EML5: variants seen among roughly 807,000 people sequenced by gnomAD.
EML5 encodes EMAP like 5, also known as echinoderm microtubule-associated protein-like 5.
Under a neutral mutation model 250.0 loss-of-function variants are expected in EML5, and 120 were observed. The ratio of observed to expected loss-of-function variants is 0.48; its 90% CI spans 0.41 to 0.56. EML5 has a LOEUF of 0.56. EML5 is among the 20% of genes least tolerant of loss of function. EML5 has a pLI of 0.00. For synonymous variants in EML5, 771 were observed against 806.5 expected (o/e 0.96, Z 0.75); for missense variants, 2,006 against 2,437.6 (o/e 0.82, Z 3.73).
intron 25 of EML5, among the ~76,000 whole-genome samples, chr14:88,660,732 A>G (rs1265410370): frequency 6.7e-6 from 1 of 148,202 alleles, no homozygotes; most frequent in Non-Finnish European, 1.5e-5. Flanking sequence ...ACAGAGTGAG[A>G]CTCCATCTCA....
At chr14:88,621,429 G>A (rs2088911754) in intron 37 of EML5, 128 bp from the exon 38 acceptor site, 1 of 998,312 alleles carries the variant, frequency 1.0e-6, no homozygotes, top group South Asian at 1.5e-5. Context: ...TAGTAGCAAG[G>A]CAGTCATTAG....
chr14:88,644,179 T>C (rs968696421), intron 30 of EML5, among the ~76,000 whole-genome samples: 13 of 152,158 alleles, frequency 8.5e-5, no homozygotes, highest in Non-Finnish European at 1.9e-4. Context: ...CACACATACT[T>C]AGGTTTAGGA....
intron 1 of EML5, among the ~76,000 whole-genome samples, chr14:88,773,084 C>T (rs1181298842): frequency 6.6e-6 from 1 of 152,186 alleles, no homozygotes; most frequent in Non-Finnish European, 1.5e-5. Context: ...ACAAGGTAGG[C>T]ACTATGTTTT....
At chr14:88,676,505 A>G (rs12435720) in intron 21 of EML5, among the ~76,000 whole-genome samples, 97,340 of 152,110 alleles carry the variant, frequency 0.64, 33,171 homozygotes, top group East Asian at 0.94. Flanking sequence ...CACAACATGT[A>G]GGAATTCAAG....
intron 1 of EML5, among the ~76,000 whole-genome samples, chr14:88,785,803 T>G (rs1026858743): frequency 2.0e-5 from 3 of 152,218 alleles, no homozygotes; most frequent in Non-Finnish European, 2.9e-5. Flanking sequence ...GTGGTCTCCC[T>G]GCTTCCATCC....
chr14:88,743,873 TTGAC>T (rs1162234376), intron 4 of EML5, 146 bp downstream of exon 4: 4 of 439,480 alleles, frequency 9.1e-6, no homozygotes, highest in African/African-American at 2.0e-5. Flanking sequence ...ATATATTTGT[TTGAC>T]TGAACATAAG....
chr14:88,616,853 A>AT lies in EML5; in HGVS notation c.5668dup (p.Ile1890AsnfsTer7). On this transcript the variant is annotated frameshift_variant, in exon 42 of 44. Transcript: ENST00000554922. LOFTEE classifies it high-confidence loss of function. Reference sequence around the variant, plus strand: ...AGCTTTCTCAGCATGTCTGGACCAGATTCCCAAAACCTCATCTCCTAGAAT... The same window carrying AT: ...AGCTTTCTCAGCATGTCTGGACCAGATTTCCCAAAACCTCATCTCCTAGAAT... 6.2e-7 allele frequency: 1 copy of AT among 1,613,880 alleles called. No homozygotes were observed. The highest frequency in any genetic ancestry group is 8.5e-7 in the Non-Finnish European group (1 of 1,179,812).
rs552247035 is a variant in EML5, at chr14:88,721,274, A to C, written c.1187+5267T>G. ...GAATTAGAAAAAAACTACTTAAGAC[A>C]TCATATGGAACCAAAATAGAGCCCG... On this transcript the variant is annotated intron_variant, in intron 8 of 43. Coordinates refer to ENST00000554922, the MANE Select transcript of EML5 (RefSeq NM_183387.3). Among the ~76,000 whole-genome samples the C allele has an allele frequency of 2.0e-5, 3 of 152,098 alleles. 1 individual carries two copies. The highest frequency in any genetic ancestry group is 7.2e-5 in the African/African-American group (3 of 41,538).
intron 28 of EML5, 126 bp downstream of exon 28, chr14:88,649,786 T>C (rs2091533842): frequency 1.3e-6 from 1 of 770,662 alleles, no homozygotes; most frequent in Admixed American, 3.3e-5. Flanking sequence ...TCCTACTTCA[T>C]TTTATAATGC....
intron 26 of EML5, among the ~76,000 whole-genome samples, chr14:88,657,891 T>G (rs932726805): frequency 1.2e-4 from 18 of 152,190 alleles, no homozygotes; most frequent in African/African-American, 4.3e-4. Flanking sequence ...TACTGGTATA[T>G]TAGAAGAAAA....
chr14:88,756,709 TAAAG>T (rs1566758868), intron 1 of EML5, among the ~76,000 whole-genome samples: 1 of 151,922 alleles, frequency 6.6e-6, no homozygotes, highest in Non-Finnish European at 1.5e-5. Flanking sequence ...ATAAAAAAAT[TAAAG>T]AAAATAATCC....
chr14:88,627,540 G>C (rs138080489), intron 34 of EML5, 106 bp downstream of exon 34: 316 of 1,178,128 alleles, frequency 2.7e-4, no homozygotes, highest in Admixed American at 5.7e-4. Context: ...GGCCTCCACT[G>C]AATGATTGTT....
At chr14:88,711,171 G>C (rs1047781876) in intron 10 of EML5, among the ~76,000 whole-genome samples, 1 of 151,618 alleles carries the variant, frequency 6.6e-6, no homozygotes, top group Non-Finnish European at 1.5e-5. Context: ...TCAGAAATAG[G>C]GTACTTTAAT....
chr14:88,667,220 T>A (rs984033475), intron 21 of EML5, among the ~76,000 whole-genome samples: 2 of 152,238 alleles, frequency 1.3e-5, no homozygotes, highest in Non-Finnish European at 2.9e-5. Flanking sequence ...TTTCAGGAGC[T>A]GCATATAATG....
At position 88,621,265 on chromosome 14, in the gene EML5, T is replaced by A. The variant is rs1343566679; in HGVS notation, c.5050A>T (p.Ile1684Phe). Residue 1684 changes from isoleucine (I) to phenylalanine (F), a missense_variant, in exon 38 of 44, where the codon ATC becomes TTC. Around this residue, in one of 7 missense-constraint regions of EML5, gnomAD observed 405 missense variants for 523.3 expected, o/e 0.77. Coordinates refer to ENST00000554922, the MANE Select transcript of EML5 (RefSeq NM_183387.3). ...GCTGCATTTTTCTCTCCAACTTCGA[T>A]TATTTCAGCATTCCTTGTCCCAACA... Reference protein sequence around the residue: ...ILVGTRNAEIIEVGEKNAACN... With the variant: ...ILVGTRNAEIFEVGEKNAACN... The A allele has an allele frequency of 6.2e-7, 1 of 1,613,854 alleles. No individual in the cohort carries two copies. Among genetic ancestry groups the A allele is most frequent in the Non-Finnish European group, 8.5e-7 (1 of 1,179,882 alleles).
rs1473992616 is a variant in EML5 at position 88,622,718 on chromosome 14, C to A, written c.4899G>T (p.Pro1633=). The A allele has an allele frequency of 6.2e-7, 1 of 1,600,090 alleles. No homozygotes were observed. The highest frequency in any genetic ancestry group is 1.7e-5 in the Admixed American group (1 of 58,238). Residue 1633 remains proline, a splice_region_variant and synonymous_variant, in exon 37 of 44, where the codon CCG becomes CCT. Transcript: ENST00000554922. ...GLIVTGGKER[P]SKEGGAVKLW... ...GTTTAACCGCTCCTCCTTCTTTTGA[C>A]CTAAGTAAATAACCAAGCCAGAGTA...
chr14:88,720,699 C>T lies in EML5; in HGVS notation c.1188-5504G>A, dbSNP rs1268538389. Among the ~76,000 whole-genome samples the T allele has an allele frequency of 2.6e-5, 4 of 152,256 alleles. No homozygotes were observed. In the East Asian group the frequency reaches 7.7e-4, roughly 29 times the overall value. Reference sequence around the variant, plus strand: ...GAATGTGCAAAAGCTGGAAACATTGCCCTTGAAAACTGGCACAAGACAAGG... The same window carrying T: ...GAATGTGCAAAAGCTGGAAACATTGTCCTTGAAAACTGGCACAAGACAAGG... On this transcript the variant is annotated intron_variant, in intron 8 of 43. Coordinates refer to ENST00000554922, the MANE Select transcript of EML5 (RefSeq NM_183387.3).
intron 7 of EML5, among the ~76,000 whole-genome samples, chr14:88,729,917 G>A (rs2093729313): frequency 6.8e-6 from 1 of 147,706 alleles, no homozygotes; most frequent in African/African-American, 2.5e-5. Context: ...CTTACATACT[G>A]TCTTTGTATC....
At chr14:88,733,917 A>G (rs1460259085) in intron 7 of EML5, among the ~76,000 whole-genome samples, 1 of 152,176 alleles carries the variant, frequency 6.6e-6, no homozygotes, top group Non-Finnish European at 1.5e-5. Flanking sequence ...CAATCCTAGA[A>G]GTCATGAAAG....
Sources: allele counts gnomAD v4.1 joint callset (sites outside exome capture counted in the v4.1 genomes callset), GRCh38; gene constraint gnomAD v4.1.1; regional missense constraint gnomAD v4.1.1; transcripts MANE v1.5; gene names NCBI Gene and HGNC (gene_info 2026-07-23, HGNC 2026-07-21).